TBPL2: variants seen among roughly 807,000 people sequenced by gnomAD.
TBPL2 encodes TATA box-binding protein-like 2.
A neutral mutation model predicts 38.2 loss-of-function variants in TBPL2; 40 were observed. That is an observed-to-expected ratio of 1.05 (90% CI 0.81 to 1.36). The LOEUF (loss-of-function observed/expected upper bound fraction) is 1.36. Among genes scored for constraint, TBPL2 ranks in the 40% most tolerant of loss-of-function variants. The pLI, the probability that TBPL2 is intolerant of heterozygous loss-of-function variation, is 0.00. For missense variants in TBPL2, 461 were observed against 456.7 expected (o/e 1.01, Z -0.09); for synonymous variants, 169 against 171.7 (o/e 0.98, Z 0.12).
intron 4 of TBPL2, among the ~76,000 whole-genome samples, chr14:55,433,035 TA>T (rs371354047): frequency 6.6e-6 from 1 of 152,112 alleles, no homozygotes; most frequent in African/African-American, 2.4e-5. Flanking sequence ...TACTGTAACT[TA>T]AAAAAAATTC....
chr14:55,414,507 T>C (rs1242254575), intron 6 of TBPL2, 52 bp from the exon 7 acceptor site: 6 of 1,299,432 alleles, frequency 4.6e-6, no homozygotes, highest in Non-Finnish European at 6.4e-6. Flanking sequence ...TACCAACATT[T>C]ACTTAAACAC....
exon 2 of TBPL2, chr14:55,436,646 A>G (rs76939665): frequency 6.2e-7 from 1 of 1,614,138 alleles, no homozygotes; most frequent in Non-Finnish European, 8.5e-7. Flanking sequence ...AAGGAGTCGG[A>G]GTTTGGTTTC....
chr14:55,439,694 G>A (rs1886077988), intron 1 of TBPL2, among the ~76,000 whole-genome samples: 1 of 149,030 alleles, frequency 6.7e-6, no homozygotes, highest in East Asian at 2.0e-4. Context: ...ACTTTGGGAG[G>A]CCAAGGCGGG....
At chr14:55,419,458 TATTA>T (rs569657028) in intron 6 of TBPL2, among the ~76,000 whole-genome samples, 2 of 152,344 alleles carry the variant, frequency 1.3e-5, no homozygotes, top group East Asian at 3.9e-4. Flanking sequence ...CTAGCTATGC[TATTA>T]ATTTTACTGT....
At chr14:55,422,476 C>T (rs575070293) in intron 6 of TBPL2, among the ~76,000 whole-genome samples, 1 of 152,228 alleles carries the variant, frequency 6.6e-6, no homozygotes, top group South Asian at 2.1e-4. Flanking sequence ...ATCTTGAACT[C>T]CTGACCTCAT....
intron 3 of TBPL2, among the ~76,000 whole-genome samples, chr14:55,434,136 A>C (rs946382448): frequency 6.6e-6 from 1 of 152,212 alleles, no homozygotes; most frequent in Non-Finnish European, 1.5e-5. Context: ...CTTTTGAAGA[A>C]TCTTTTGGGA....
chr14:55,429,391 T>TTG (rs1885886831), intron 4 of TBPL2, among the ~76,000 whole-genome samples: 1 of 152,192 alleles, frequency 6.6e-6, no homozygotes, highest in Non-Finnish European at 1.5e-5. Flanking sequence ...AATCTGTCTT[T>TTG]TAACAAGCCC....
intron 6 of TBPL2, among the ~76,000 whole-genome samples, chr14:55,416,350 G>C (rs1314018675): frequency 6.6e-6 from 1 of 152,152 alleles, no homozygotes; most frequent in African/African-American, 2.4e-5. Flanking sequence ...CCAGCACTTT[G>C]GGAGGCCAAG....
At chr14:55,425,330 G>T (rs1885805235) in intron 5 of TBPL2, among the ~76,000 whole-genome samples, 1 of 152,152 alleles carries the variant, frequency 6.6e-6, no homozygotes, top group Admixed American at 6.5e-5. Context: ...ACCCTCCAGG[G>T]CTATGAGATC....
chr14:55,419,236 T>C (rs1885709623), intron 6 of TBPL2, among the ~76,000 whole-genome samples: 1 of 152,224 alleles, frequency 6.6e-6, no homozygotes, highest in South Asian at 2.1e-4. Flanking sequence ...AGCTGCTTGA[T>C]ATCGTTAAGT....
chr14:55,423,458 A>G (rs945752127), intron 6 of TBPL2, among the ~76,000 whole-genome samples: 1 of 152,236 alleles, frequency 6.6e-6, no homozygotes, highest in Non-Finnish European at 1.5e-5. Context: ...TGCCCTTCAT[A>G]AGTAGCAAAC....
intron 5 of TBPL2, among the ~76,000 whole-genome samples, chr14:55,427,052 A>G (rs983441986): frequency 1.3e-5 from 2 of 152,262 alleles, no homozygotes; most frequent in Admixed American, 1.3e-4. Context: ...AAGCCGATTC[A>G]GAGAAAGATA....
chr14:55,424,360 A>T, intron 5 of TBPL2, 107 bp from the exon 6 acceptor site: 1 of 662,852 alleles, frequency 1.5e-6, no homozygotes, highest in East Asian at 2.7e-5. Flanking sequence ...GTTGTAAATA[A>T]GTTAGCTATT....
chr14:55,440,550 G>A (rs1203203979), exon 1 of TBPL2: 1 of 1,590,086 alleles, frequency 6.3e-7, no homozygotes, highest in Admixed American at 1.8e-5. Flanking sequence ...GGCCATTTAT[G>A]AGCCTGGGGG....
Position 55,414,465 on chromosome 14 carries a change from A to G in TBPL2, c.1052-10T>C. ...GAACGTTCTTTGGCACCTATAAAGA[A>G]ATCCAGGTTTATATAATTTTTAATA... On this transcript the variant is annotated splice_polypyrimidine_tract_variant and intron_variant, in intron 6 of 6. Transcript: ENST00000247219. 1 of 1,583,934 alleles carries G rather than the reference A, an allele frequency of 6.3e-7. No homozygotes were observed. The highest frequency in any genetic ancestry group is 8.6e-7 in the Non-Finnish European group (1 of 1,165,076).
chr14:55,422,655 C>A (rs1885762602), intron 6 of TBPL2, among the ~76,000 whole-genome samples: 1 of 152,100 alleles, frequency 6.6e-6, no homozygotes, highest in African/African-American at 2.4e-5. Context: ...GGTTCGAGAC[C>A]AGCCTAGCCA....
chr14:55,426,563 T>C (rs1185638086), intron 5 of TBPL2, among the ~76,000 whole-genome samples: 1 of 151,964 alleles, frequency 6.6e-6, no homozygotes, highest in Admixed American at 6.6e-5. Flanking sequence ...CTAAGAGGTG[T>C]TTTTAATGTT....
In TBPL2 at chr14:55,423,563, A is replaced by G. The variant is rs146926658; in HGVS notation, c.1051+596T>C. On this transcript the variant is annotated intron_variant, in intron 6 of 6. Coordinates refer to ENST00000247219, the Ensembl canonical transcript of TBPL2. Reference sequence around the variant, plus strand: ...CAGCAAAGGTAGGTCTGCTGGCTAAAGCCATCCTGCTGCCTGATTTTGTTA... The same window carrying G: ...CAGCAAAGGTAGGTCTGCTGGCTAAGGCCATCCTGCTGCCTGATTTTGTTA... Among the ~76,000 whole-genome samples the G allele has an allele frequency of 4.3e-4, 66 of 152,386 alleles. No individual in the cohort carries two copies. The East Asian group carries it at 0.012, about 28-fold the overall frequency.
At chr14:55,424,136 CA>C in intron 6 of TBPL2, 22 bp downstream of exon 6, 1 of 1,556,512 alleles carries the variant, frequency 6.4e-7, no homozygotes, top group Non-Finnish European at 8.8e-7. Context: ...TTTTATGAGT[CA>C]GAAAATAATC....
Sources: gnomAD v4.1 joint callset for allele counts (sites outside exome capture counted in the v4.1 genomes callset) on GRCh38, gnomAD v4.1.1 for gene constraint, MANE v1.5 for transcripts, NCBI Gene and HGNC (gene_info 2026-07-23, HGNC 2026-07-21) for gene names.